Variants in MYZAP observed in about 807,000 individuals in gnomAD.
The protein encoded by MYZAP is GRINL1A complex locus upstream.
MYZAP carries 66 observed loss-of-function variants against 69.4 expected under a neutral mutation model. The observed-to-expected ratio is 0.95, with a 90% CI of 0.78 to 1.17. The LOEUF is 1.17. Among genes scored for constraint, MYZAP ranks in the 50% most tolerant of loss-of-function variants. The pLI is 0.00. For missense variants in MYZAP, 611 were observed against 556.2 expected, an observed-to-expected ratio of 1.10 and a Z score of -0.99; for synonymous variants, 256 against 205.9, an observed-to-expected ratio of 1.24 and a Z score of -2.09.
rs1171563046 is a variant in MYZAP, at chr15:57,621,637, G to A, written c.348G>A (p.Lys116=). The A allele has an allele frequency of 2.5e-6, 4 of 1,613,672 alleles. No individual in the cohort carries two copies. Among genetic ancestry groups the A allele is most frequent in the Non-Finnish European group, 2.5e-6 (3 of 1,179,794 alleles). ...DVRATLEKVR[K]RMYGDYDEMR... is the part of the protein sequence containing the mutation. Reference sequence around the variant, plus strand: ...GAGCCACTTTGGAAAAGGTGAGAAAGCGAATGTATGGAGACTATGATGAGA... The same window carrying A: ...GAGCCACTTTGGAAAAGGTGAGAAAACGAATGTATGGAGACTATGATGAGA... The change falls in exon 4 of 13, where the codon AAG becomes AAA. Residue 116 remains lysine (K), a synonymous_variant. Transcript: ENST00000267853.
intron 1 of MYZAP, among the ~76,000 whole-genome samples, chr15:57,593,214 A>ACC (rs1555454592): frequency 3.3e-4 from 46 of 141,436 alleles, no homozygotes; most frequent in South Asian, 1.9e-3. Flanking sequence ...ACACACACAC[A>ACC]CCCCAGAATC....
intron 1 of MYZAP, among the ~76,000 whole-genome samples, chr15:57,601,851 TG>T (rs1280413856): frequency 1.3e-5 from 2 of 152,156 alleles, no homozygotes; most frequent in African/African-American, 4.8e-5. Context: ...AGGACAACCC[TG>T]GGTCCATTAG....
intron 11 of MYZAP, among the ~76,000 whole-genome samples, chr15:57,673,768 C>A (rs1468624676): frequency 6.6e-6 from 1 of 152,196 alleles, no homozygotes; most frequent in African/African-American, 2.4e-5. Context: ...GTTTAACCCA[C>A]ATCCTTTCTT....
At chr15:57,651,165 C>G (rs2037706840) in intron 10 of MYZAP, among the ~76,000 whole-genome samples, 1 of 152,186 alleles carries the variant, frequency 6.6e-6, no homozygotes. Context: ...TTTCCATGCA[C>G]TTGAACTTTA....
At chr15:57,669,221 A>G (rs552994836) in intron 11 of MYZAP, among the ~76,000 whole-genome samples, 150 of 152,228 alleles carry the variant, frequency 9.9e-4, no homozygotes, top group African/African-American at 3.4e-3. Flanking sequence ...TTGGTTTTCA[A>G]TTAACCATTT....
Position 57,666,894 on chromosome 15 carries a change from AT to A in MYZAP, c.1203+5369del, listed in dbSNP as rs377228802. ...TTTTTCTTTTTCTTTTTTTCAAACA[AT>A]TTTTTTTATTAGCTCAACTTCTGGA... On this transcript the variant is annotated intron_variant, in intron 11 of 12. Coordinates refer to ENST00000267853, the MANE Select transcript of MYZAP (RefSeq NM_001018100.5). Among the ~76,000 whole-genome samples, 690 of 152,116 alleles carry A rather than the reference AT, an allele frequency of 4.5e-3. 5 individuals carry two copies. The highest frequency in any genetic ancestry group is 0.016 in the African/African-American group (652 of 41,484).
chr15:57,626,535 A>G (rs888142643), intron 5 of MYZAP, among the ~76,000 whole-genome samples: 2 of 152,176 alleles, frequency 1.3e-5, no homozygotes, highest in Non-Finnish European at 2.9e-5. Context: ...CAAGTCCCCT[A>G]ACATGCAAAT....
rs1189502876 is a variant in MYZAP at position 57,599,608 on chromosome 15, C to T, written c.76-4661C>T. 4 of 1,288,906 alleles carry T rather than the reference C, an allele frequency of 3.1e-6. No homozygotes were observed. The African/African-American group carries it at 4.6e-5, about 15-fold the overall frequency. 79.8% of individuals were successfully genotyped at this position (1,288,906 alleles called of 1,614,324 possible). A position where few individuals can be genotyped will look rare whatever the true frequency, so the allele number is the denominator to read the frequency against. On this transcript the variant is annotated intron_variant, in intron 1 of 12. Transcript: ENST00000267853. ...AACCCCTGGGAATAAAGTGCCCTAC[C>T]TGCCTTTCAGGCACTGCCAAGCCTG...
intron 2 of MYZAP, among the ~76,000 whole-genome samples, chr15:57,611,536 G>A (rs1354779474): frequency 6.6e-6 from 1 of 152,082 alleles, no homozygotes; most frequent in East Asian, 1.9e-4. Flanking sequence ...AGTCTGCATG[G>A]AAGCTGTGCA....
intron 1 of MYZAP, among the ~76,000 whole-genome samples, chr15:57,593,135 C>G (rs889888832): frequency 8.6e-6 from 1 of 116,200 alleles, no homozygotes; most frequent in Non-Finnish European, 1.8e-5. Context: ...CTGATGGATT[C>G]TGGGGTGTGT....
chr15:57,682,461 C>T (rs1043684343), intron 12 of MYZAP, among the ~76,000 whole-genome samples: 8 of 152,162 alleles, frequency 5.3e-5, no homozygotes, highest in Admixed American at 6.5e-5. Flanking sequence ...CCGCCACTTC[C>T]CATCAAGTGC....
At chr15:57,657,792 G>T (rs1209916205) in intron 10 of MYZAP, among the ~76,000 whole-genome samples, 3 of 152,130 alleles carry the variant, frequency 2.0e-5, no homozygotes, top group African/African-American at 7.2e-5. Flanking sequence ...GGATCAAAGG[G>T]TATGAACAGC....
chr15:57,641,011 A>C (rs2037121461), intron 10 of MYZAP, among the ~76,000 whole-genome samples: 1 of 152,204 alleles, frequency 6.6e-6, no homozygotes, highest in Admixed American at 6.5e-5. Flanking sequence ...CCGTCGGGGC[A>C]TAGTTTTTCT....
chr15:57,610,072 A>G (rs1315891840), intron 2 of MYZAP, among the ~76,000 whole-genome samples: 2 of 152,192 alleles, frequency 1.3e-5, no homozygotes, highest in Non-Finnish European at 2.9e-5. Context: ...ATGATGGTAA[A>G]GTCCTTTGCA....
intron 10 of MYZAP, chr15:57,647,038 T>C (rs1393641768): frequency 3.0e-6 from 3 of 985,232 alleles, no homozygotes; most frequent in Non-Finnish European, 3.6e-6. Context: ...AGCTGGGAGA[T>C]GGGGCTCGTG....
intron 10 of MYZAP, among the ~76,000 whole-genome samples, chr15:57,661,061 T>C (rs1188706217): frequency 6.6e-6 from 1 of 152,208 alleles, no homozygotes; most frequent in Non-Finnish European, 1.5e-5. Flanking sequence ...TAATCATTTT[T>C]TGGAGAGTTG....
At chr15:57,647,635 G>A (rs2037509128) in intron 10 of MYZAP, 17 of 985,206 alleles carry the variant, frequency 1.7e-5, no homozygotes, top group Non-Finnish European at 2.0e-5. Flanking sequence ...GTACCTGGAG[G>A]CCAGGCAGGC....
intron 2 of MYZAP, among the ~76,000 whole-genome samples, chr15:57,612,232 C>T (rs1312873431): frequency 6.6e-6 from 1 of 152,146 alleles, no homozygotes; most frequent in Admixed American, 6.5e-5. Context: ...AACTTGGCTT[C>T]CAGTCTGGAA....
intron 1 of MYZAP, 101 bp from the exon 2 acceptor site, chr15:57,604,168 A>T (rs2172611): frequency 0.34 from 425,080 of 1,236,708 alleles, 76,525 homozygotes; most frequent in East Asian, 0.53. Context: ...GTGTTCCCCA[A>T]TGGAAGTAGG....
Sources: gnomAD v4.1 joint callset for allele counts (sites outside exome capture counted in the v4.1 genomes callset) on GRCh38, gnomAD v4.1.1 for gene constraint, MANE v1.5 for transcripts, NCBI Gene and HGNC (gene_info 2026-07-23, HGNC 2026-07-21) for gene names.